DEGS1: variants seen among roughly 807,000 people sequenced by gnomAD.
DEGS1 encodes the protein sphingolipid delta(4)-desaturase DES1.
In DEGS1, 17 loss-of-function variants were observed where a neutral mutation model predicts 24.1. The observed-to-expected ratio is 0.70, with a 90% CI of 0.48 to 1.06. DEGS1 has a LOEUF of 1.06. Ranked by LOEUF, DEGS1 falls within the 50% of genes least tolerant of loss-of-function variation. The pLI is 0.00. For synonymous variants in DEGS1, 134 were observed against 140.0 expected, an observed-to-expected ratio of 0.96 and a Z score of 0.30; for missense variants, 366 against 408.9, an observed-to-expected ratio of 0.90 and a Z score of 0.91.
intron 2 of DEGS1, among the ~76,000 whole-genome samples, chr1:224,190,599 TAAAA>T (rs1303943898): frequency 1.5e-5 from 2 of 133,396 alleles, no homozygotes; most frequent in Non-Finnish European, 3.3e-5. Context: ...AGCAGTTCAT[TAAAA>T]AAAAAAAAAA....
rs1658570705 is a variant in DEGS1, at chr1:224,192,573, C to A, written c.*95C>A. ...ACTTGAGACCAGTGATGCTCAGAAG[C>A]TCCCCTGGCACAATTTCAGAGTAAG... On this transcript the variant is annotated 3_prime_UTR_variant, in exon 3 of 3. Transcript: ENST00000323699. The A allele has an allele frequency of 1.6e-6, 2 of 1,224,694 alleles. No individual in the cohort carries two copies. The highest frequency in any genetic ancestry group is 1.4e-5 in the South Asian group (1 of 71,274). The allele number at this position is 1,224,694 out of a possible 1,614,324, so 75.9% of individuals were successfully genotyped here. A position where few individuals can be genotyped will look rare whatever the true frequency, so the allele number is the denominator to read the frequency against.
intron 1 of DEGS1, 33 bp from the exon 2 acceptor site, chr1:224,189,544 C>A (rs1439014227): frequency 6.7e-7 from 1 of 1,491,278 alleles, no homozygotes; most frequent in Non-Finnish European, 9.0e-7. Context: ...ACATACTTTT[C>A]TTAGTTCCTG....
intron 1 of DEGS1, chr1:224,183,716 C>T (rs1396119092): frequency 1.1e-4 from 30 of 265,326 alleles, no homozygotes; most frequent in African/African-American, 5.6e-4. Flanking sequence ...CCGGTTGGGG[C>T]GAAGGGTGTC....
chr1:224,190,643 C>T (rs958465129), intron 2 of DEGS1, among the ~76,000 whole-genome samples: 3 of 151,220 alleles, frequency 2.0e-5, no homozygotes, highest in African/African-American at 7.3e-5. Flanking sequence ...AATACTGCAT[C>T]TTCCAGCCTA....
In DEGS1 at chr1:224,183,266, G is replaced by GCCGCCGCCA. The variant is rs1266691286; in HGVS notation, c.-68_-60dup. The GCCGCCGCCA allele has an allele frequency of 1.7e-5, 23 of 1,374,664 alleles. No homozygotes were observed. The highest frequency in any genetic ancestry group is 4.6e-5 in the African/African-American group (3 of 65,810). 85.2% of individuals were successfully genotyped at this position (1,374,664 alleles called of 1,614,324 possible). ...CCACACCAGCCGGGGAGCCGCCGCC[G>GCCGCCGCCA]CCGCCGCCACCTCTGAGCAGCCGGC... On this transcript the variant is annotated 5_prime_UTR_variant, in exon 1 of 3. Coordinates refer to ENST00000323699, the MANE Select transcript of DEGS1 (RefSeq NM_003676.4).
At chr1:224,187,774 A>G (rs754344983) in intron 1 of DEGS1, among the ~76,000 whole-genome samples, 1 of 152,140 alleles carries the variant, frequency 6.6e-6, no homozygotes, top group Admixed American at 6.6e-5. Context: ...ACCTTAGAAC[A>G]TTTCATCATC....
intron 1 of DEGS1, among the ~76,000 whole-genome samples, chr1:224,188,845 T>C (rs1658460363): frequency 6.6e-6 from 1 of 152,208 alleles, no homozygotes; most frequent in Admixed American, 6.5e-5. Context: ...TTTCTCTGTT[T>C]TCTTTTGTCA....
intron 1 of DEGS1, among the ~76,000 whole-genome samples, chr1:224,184,941 C>G (rs966844166): frequency 6.6e-6 from 1 of 151,312 alleles, no homozygotes; most frequent in Non-Finnish European, 1.5e-5. Context: ...TTGAGACCAT[C>G]CTGAGTAACA....
rs530120397 is a variant in DEGS1, at chr1:224,193,179, C to T, written c.*701C>T. The T allele has an allele frequency of 1.6e-4, 24 of 152,114 alleles. No individual in the cohort carries two copies. The highest frequency in any genetic ancestry group is 4.6e-4 in the Admixed American group (7 of 15,258). The allele number at this position is 152,114 out of a possible 1,614,324, so 9.4% of individuals were successfully genotyped here. A position where few individuals can be genotyped will look rare whatever the true frequency, so the allele number is the denominator to read the frequency against. On this transcript the variant is annotated 3_prime_UTR_variant, in exon 3 of 3. Transcript: ENST00000323699. ...AATCACAGTGTATTAGTATTTGTTA[C>T]ATTTTTGTATTTCACTATCTTTATA...
intron 1 of DEGS1, among the ~76,000 whole-genome samples, chr1:224,189,180 A>AAT (rs1658470504): frequency 6.6e-6 from 1 of 152,200 alleles, no homozygotes; most frequent in Non-Finnish European, 1.5e-5. Flanking sequence ...GAAAACTGTG[A>AAT]ATACCAGTTT....
At chr1:224,184,373 G>A (rs986075096) in intron 1 of DEGS1, among the ~76,000 whole-genome samples, 2 of 152,096 alleles carry the variant, frequency 1.3e-5, no homozygotes, top group African/African-American at 4.8e-5. Context: ...TGGTATTATC[G>A]CTGTTTTAAA....
At chr1:224,192,021 A>C (rs1428950745) in intron 2 of DEGS1, among the ~76,000 whole-genome samples, 1 of 152,166 alleles carries the variant, frequency 6.6e-6, no homozygotes, top group Non-Finnish European at 1.5e-5. Context: ...TTCTTTAATA[A>C]TATCAAGTTA....
chr1:224,183,311 C>G lies in DEGS1; in HGVS notation c.-26C>G, dbSNP rs1325630281. ...GCCGGCTGGGAGCGAGAGCCGACAG[C>G]TAGTCTGCAAGCCACCGCTGTCGCC... On this transcript the variant is annotated 5_prime_UTR_variant, in exon 1 of 3. Coordinates refer to ENST00000323699, the MANE Select transcript of DEGS1 (RefSeq NM_003676.4). The G allele has an allele frequency of 1.4e-6, 2 of 1,477,478 alleles. No homozygotes were observed. Among genetic ancestry groups the G allele is most frequent in the Admixed American group, 2.4e-5 (1 of 41,032 alleles). 91.5% of individuals were successfully genotyped at this position (1,477,478 alleles called of 1,614,324 possible). A position where few individuals can be genotyped will look rare whatever the true frequency, so the allele number is the denominator to read the frequency against.
chr1:224,183,573 C>T, intron 1 of DEGS1, 155 bp downstream of exon 1: 6 of 465,868 alleles, frequency 1.3e-5, no homozygotes, highest in Non-Finnish European at 2.0e-5. Context: ...CGCCAGCCCG[C>T]GGGTCAGCGC....
At chr1:224,184,443 T>C (rs192045171) in intron 1 of DEGS1, among the ~76,000 whole-genome samples, 3 of 148,994 alleles carry the variant, frequency 2.0e-5, no homozygotes, top group Non-Finnish European at 4.5e-5. Flanking sequence ...TTCGGTTGCC[T>C]CTTCCAGAGC....
intron 1 of DEGS1, among the ~76,000 whole-genome samples, chr1:224,188,346 CAT>C (rs1201041266): frequency 3.3e-5 from 5 of 152,074 alleles, no homozygotes; most frequent in East Asian, 1.9e-4. Flanking sequence ...CATGTTATAG[CAT>C]ATGTCAGTGT....
rs142757271 is a variant in DEGS1, at chr1:224,189,785, T to C, written c.291T>C (p.Phe97=). The C allele has an allele frequency of 1.7e-5, 27 of 1,614,224 alleles. No homozygotes were observed. In the African/African-American group the frequency reaches 3.2e-4, roughly 19 times the overall value. Residue 97 remains phenylalanine, a synonymous_variant, in exon 2 of 3, where the codon TTT becomes TTC. Coordinates refer to ENST00000323699, the MANE Select transcript of DEGS1 (RefSeq NM_003676.4). ...AIHEIAHNAA[F]GNCKAMWNRW... Reference sequence around the variant, plus strand: ...ATGAGATTGCCCACAATGCTGCCTTTGGCAACTGCAAAGCAATGTGGAATC... The same window carrying C: ...ATGAGATTGCCCACAATGCTGCCTTCGGCAACTGCAAAGCAATGTGGAATC...
At chr1:224,184,645 G>C (rs568621045) in intron 1 of DEGS1, among the ~76,000 whole-genome samples, 53 of 152,154 alleles carry the variant, frequency 3.5e-4, no homozygotes, top group African/African-American at 1.3e-3. Context: ...CCGAGTAGCT[G>C]GGATTACAGG....
chr1:224,192,454 A>G lies in DEGS1; in HGVS notation c.948A>G (p.Gln316=), dbSNP rs760000275. The change falls in exon 3 of 3, where the codon CAA becomes CAG. Residue 316 remains glutamine (Q), a synonymous_variant. Coordinates refer to ENST00000323699, the MANE Select transcript of DEGS1 (RefSeq NM_003676.4). The part of the protein sequence containing the change: ...ISPYSRMKRH[Q]KGEMVLE ...CCTACTCAAGAATGAAGAGGCACCA[A>G]AAAGGAGAGATGGTGCTGGAGTAAA... is the stretch of plus-strand genomic sequence containing the variant. The G allele has an allele frequency of 4.3e-6, 7 of 1,612,118 alleles. No individual in the cohort carries two copies. In the East Asian group the frequency reaches 1.6e-4, roughly 36 times the overall value.
Sources: gnomAD v4.1 joint callset for allele counts (sites outside exome capture counted in the v4.1 genomes callset) on GRCh38, gnomAD v4.1.1 for gene constraint, MANE v1.5 for transcripts, NCBI Gene and HGNC (gene_info 2026-07-23, HGNC 2026-07-21) for gene names.